Variants in MVK observed in about 807,000 individuals in gnomAD.
MVK encodes LH receptor mRNA-binding protein.
MVK carries 34 observed loss-of-function variants against 43.2 expected under a neutral mutation model. That is an observed-to-expected ratio of 0.79 (90% CI 0.60 to 1.05). MVK has a LOEUF of 1.05. MVK is among the 50% of genes least tolerant of loss of function. The probability of loss-of-function intolerance (pLI) is 0.00; values close to 1 mark genes in which losing one functional copy is unlikely to be tolerated. For missense variants in MVK, 395 were observed against 504.0 expected (o/e 0.78, Z 2.07); for synonymous variants, 190 against 219.8 (o/e 0.86, Z 1.20).
In MVK at chr12:109,579,814, T is replaced by A; in HGVS notation, c.239T>A (p.Val80Asp). ...GCCTGTGGAACAGAGCAAGGTGATG[T>A]CACAACACCCACCTCAGAGCAAGTG... is the stretch of plus-strand genomic sequence containing the variant. ...LDTSFLEQGD[V>D]TTPTSEQVEK... The change falls in exon 4 of 11, where the codon GTC becomes GAC. Residue 80 changes from valine (V) to aspartate (D), a missense_variant. By Grantham distance (152) the Val-to-Asp change is radical (BLOSUM62 -3). Coordinates refer to ENST00000228510, the MANE Select transcript of MVK (RefSeq NM_000431.4). 1 of 1,614,238 alleles carries A rather than the reference T, an allele frequency of 6.2e-7. No homozygotes were observed. The highest frequency in any genetic ancestry group is 8.5e-7 in the Non-Finnish European group (1 of 1,180,052).
At chr12:109,584,663 T>G (rs1433910922) in intron 5 of MVK, among the ~76,000 whole-genome samples, 1 of 152,132 alleles carries the variant, frequency 6.6e-6, no homozygotes, top group Non-Finnish European at 1.5e-5. Flanking sequence ...GGTAGGCAGA[T>G]CGCTTCAGGT....
chr12:109,596,718 C>G lies in MVK; in HGVS notation c.*141C>G. The G allele has an allele frequency of 1.6e-6, 2 of 1,229,684 alleles. No homozygotes were observed. Among genetic ancestry groups the G allele is most frequent in the Non-Finnish European group, 2.3e-6 (2 of 871,280 alleles). The allele number at this position is 1,229,684 out of a possible 1,614,324, so 76.2% of individuals were successfully genotyped here. A position where few individuals can be genotyped will look rare whatever the true frequency, so the allele number is the denominator to read the frequency against. On this transcript the variant is annotated 3_prime_UTR_variant, in exon 11 of 11. Transcript: ENST00000228510. ...GCCCCAGCCGCTTGGCGATGCCAGC[C>G]AAGCTCTGCAGTCCCAGCGGTGGGA...
At chr12:109,587,117 T>G in intron 7 of MVK, 1 of 381,188 alleles carries the variant, frequency 2.6e-6, no homozygotes, top group South Asian at 2.2e-5. Flanking sequence ...ACTTCCTGTG[T>G]TCCCGATGAT....
At chr12:109,574,058 G>A (rs1358293193) in intron 1 of MVK, among the ~76,000 whole-genome samples, 185 bp downstream of exon 1, 1 of 152,324 alleles carries the variant, frequency 6.6e-6, no homozygotes, top group East Asian at 1.9e-4. Flanking sequence ...CCCGCTCTGA[G>A]CCTCAGTTTT....
chr12:109,573,486 A>G (rs767177510), upstream of MVK: 69 of 1,599,148 alleles, frequency 4.3e-5, no homozygotes, highest in Non-Finnish European at 8.5e-7. Context: ...GCCATGAGCC[A>G]GGCTGCTTGA....
rs1359130263 is a variant in MVK at position 109,591,311 on chromosome 12, G to A, written c.839G>A (p.Gly280Glu). 4 of 1,614,120 alleles carry A rather than the reference G, an allele frequency of 2.5e-6. No individual in the cohort carries two copies. In the East Asian group the frequency reaches 6.7e-5, roughly 27 times the overall value. Residue 280 changes from glycine to glutamate, a missense_variant, in exon 9 of 11, where the codon GGA becomes GAA. Gly to Glu is a moderately conservative substitution (Grantham distance 98, BLOSUM62 -2). Coordinates refer to ENST00000228510, the MANE Select transcript of MVK (RefSeq NM_000431.4). ...AISLECERVL[G>E]EMGEAPAPEQ... Reference sequence around the variant, plus strand: ...TCCCTGGAGTGTGAGCGCGTGCTGGGAGAGATGGGGGAAGCCCCAGCCCCG... The same window carrying A: ...TCCCTGGAGTGTGAGCGCGTGCTGGAAGAGATGGGGGAAGCCCCAGCCCCG...
chr12:109,593,204 A>G (rs556502886), intron 9 of MVK, among the ~76,000 whole-genome samples: 1 of 152,338 alleles, frequency 6.6e-6, no homozygotes, highest in African/African-American at 2.4e-5. Context: ...CTTCTCTCAC[A>G]TCCAGCCCAT....
Position 109,598,111 on chromosome 12 carries a change from A to C in MVK, c.*1534A>C, listed in dbSNP as rs1227953637. ...AACGCATAAAGCAGTAATACTAATTAATACTGAACGCTCACTGTGGACTAG... is the reference window on the plus strand; with the variant it reads ...AACGCATAAAGCAGTAATACTAATTCATACTGAACGCTCACTGTGGACTAG... On this transcript the variant is annotated 3_prime_UTR_variant, in exon 11 of 11. Transcript: ENST00000228510. 1 of 152,286 alleles carries C rather than the reference A, an allele frequency of 6.6e-6. No individual in the cohort carries two copies. Among genetic ancestry groups the C allele is most frequent in the East Asian group, 1.9e-4 (1 of 5,200 alleles). The allele number at this position is 152,286 out of a possible 1,614,324, so 9.4% of individuals were successfully genotyped here.
At chr12:109,577,886 A>G (rs576693549) in intron 3 of MVK, among the ~76,000 whole-genome samples, 62 of 152,326 alleles carry the variant, frequency 4.1e-4, no homozygotes, top group African/African-American at 1.4e-3. Flanking sequence ...TTGCTTTCCA[A>G]GGTGCACAGG....
chr12:109,586,238 G>GA (rs1199929912), intron 6 of MVK, 113 bp downstream of exon 6: 5 of 893,046 alleles, frequency 5.6e-6, no homozygotes, highest in South Asian at 2.9e-5. Context: ...ATGGATTCTG[G>GA]AAAAAATAGC....
In MVK at chr12:109,574,881, A is replaced by T; in HGVS notation, c.59A>T (p.His20Leu). 1 of 1,610,016 alleles carries T rather than the reference A, an allele frequency of 6.2e-7. No homozygotes were observed. Among genetic ancestry groups the T allele is most frequent in the Non-Finnish European group, 8.5e-7 (1 of 1,178,206 alleles). The change falls in exon 2 of 11, where the codon CAT becomes CTT. Residue 20 changes from histidine to leucine, a missense_variant. Coordinates refer to ENST00000228510, the MANE Select transcript of MVK (RefSeq NM_000431.4). ...GGGAAAGTCATCCTTCATGGAGAAC[A>T]TGCCGTGGTACATGGCAAGGTACAA... ...APGKVILHGE[H>L]AVVHGKVALA...
intron 9 of MVK, 95 bp from the exon 10 acceptor site, chr12:109,594,933 A>C: frequency 1.3e-6 from 2 of 1,531,402 alleles, no homozygotes; most frequent in Non-Finnish European, 1.8e-6. Flanking sequence ...GTCTCCAGCC[A>C]ACAACTGTCA....
chr12:109,573,399 G>A (rs1227720445), upstream of MVK: 1 of 1,611,584 alleles, frequency 6.2e-7, no homozygotes, highest in Admixed American at 1.7e-5. Context: ...CGGGGATACA[G>A]GAGCCTGGCG....
At chr12:109,587,009 G>A (rs967351840) in intron 7 of MVK, 15 of 594,928 alleles carry the variant, frequency 2.5e-5, no homozygotes, top group Non-Finnish European at 4.5e-5. Flanking sequence ...TTAAATTGCA[G>A]AGATATCAGA....
intron 2 of MVK, among the ~76,000 whole-genome samples, chr12:109,575,554 A>C (rs921775611): frequency 2.6e-5 from 4 of 151,650 alleles, no homozygotes; most frequent in African/African-American, 9.7e-5. Flanking sequence ...ATGCCCCACT[A>C]ATTTTTTTCT....
rs1211608492 is a variant in MVK, at chr12:109,586,096, C to A, written c.602C>A (p.Ser201Tyr). 1 of 1,614,156 alleles carries A rather than the reference C, an allele frequency of 6.2e-7. No individual in the cohort carries two copies. Among genetic ancestry groups the A allele is most frequent in the East Asian group, 2.2e-5 (1 of 44,888 alleles). ...QGERMIHGNPSGVDNAVSTWG... is the reference protein window; with the variant it reads ...QGERMIHGNPYGVDNAVSTWG... ...GAGAGAATGATTCACGGGAACCCCT[C>A]CGGAGTGGACAATGCTGTCAGCACC... Residue 201 changes from serine (S) to tyrosine (Y), a missense_variant, in exon 6 of 11, where the codon TCC becomes TAC. By Grantham distance (144) the Ser-to-Tyr change is moderately radical. Coordinates refer to ENST00000228510, the MANE Select transcript of MVK (RefSeq NM_000431.4).
intron 3 of MVK, chr12:109,579,363 C>T (rs956548059): frequency 2.8e-6 from 1 of 353,378 alleles, no homozygotes; most frequent in Non-Finnish European, 5.6e-6. Flanking sequence ...TGGTCTCAAA[C>T]TCCTAGGCAC....
intron 5 of MVK, among the ~76,000 whole-genome samples, chr12:109,584,430 T>G (rs1300775648): frequency 6.6e-6 from 1 of 152,214 alleles, no homozygotes; most frequent in Non-Finnish European, 1.5e-5. Context: ...GAGCACATCC[T>G]ATCTCCTGGG....
Position 109,573,819 on chromosome 12 carries a change from C to T in MVK, c.-69C>T. The T allele has an allele frequency of 3.9e-6, 1 of 254,804 alleles. No homozygotes were observed. Among genetic ancestry groups the T allele is most frequent in the Non-Finnish European group, 7.5e-6 (1 of 133,442 alleles). 15.8% of individuals were successfully genotyped at this position (254,804 alleles called of 1,614,324 possible). ...GCTCTGGGTTGTGGGAGTTGGGGAG[C>T]TGCTCCGGCTTCGGCGCGGAGGGGC... On this transcript the variant is annotated 5_prime_UTR_variant, in exon 1 of 11. Transcript: ENST00000228510.
Sources: gnomAD v4.1 joint callset for allele counts (sites outside exome capture counted in the v4.1 genomes callset) on GRCh38, gnomAD v4.1.1 for gene constraint, MANE v1.5 for transcripts, NCBI Gene and HGNC (gene_info 2026-07-23, HGNC 2026-07-21) for gene names.